RANBP2: variants seen among roughly 807,000 people sequenced by gnomAD.
RANBP2 encodes E3 SUMO-protein ligase RanBP2.
Under a neutral mutation model 303.6 loss-of-function variants are expected in RANBP2, and 57 were observed. The observed-to-expected ratio is 0.19, with a 90% CI of 0.15 to 0.23. RANBP2 has a LOEUF of 0.23. Among genes scored for constraint, RANBP2 ranks in the 10% least tolerant of loss-of-function variants. The pLI is 1.00. For synonymous variants in RANBP2, 1,167 were observed against 1,301.5 expected, an observed-to-expected ratio of 0.90 and a Z score of 2.23; for missense variants, 3,138 against 3,780.8, an observed-to-expected ratio of 0.83 and a Z score of 4.46.
chr2:108,793,905 C>T, the RANBP2 span, among the ~76,000 whole-genome samples: 1 of 152,006 alleles, frequency 6.6e-6, no homozygotes, highest in Non-Finnish European at 1.5e-5. Flanking sequence ...CCCTGCCACC[C>T]TCAGGAAACT....
chr2:109,339,187 G>A, the RANBP2 span, among the ~76,000 whole-genome samples: 1 of 151,508 alleles, frequency 6.6e-6, no homozygotes, highest in African/African-American at 2.4e-5. Flanking sequence ...AGAGAAGGGA[G>A]GCACACTCGG....
the RANBP2 span, among the ~76,000 whole-genome samples, chr2:109,466,274 G>T: frequency 2.0e-5 from 3 of 151,860 alleles, no homozygotes; most frequent in East Asian, 5.8e-4. Flanking sequence ...GTAGAGACGG[G>T]GTTTCACTGT....
chr2:109,270,570 C>T, the RANBP2 span, among the ~76,000 whole-genome samples: 4 of 152,230 alleles, frequency 2.6e-5, no homozygotes, highest in South Asian at 4.2e-4. Context: ...GCAGTGTGGC[C>T]GTTTCAGGTC....
chr2:108,931,035 G>T, the RANBP2 span: 1 of 1,613,888 alleles, frequency 6.2e-7, no homozygotes, highest in Non-Finnish European at 8.5e-7. Context: ...GGGCTCACCT[G>T]AAAGACATGC....
the RANBP2 span, among the ~76,000 whole-genome samples, chr2:109,534,647 G>A: frequency 6.6e-6 from 1 of 152,024 alleles, no homozygotes; most frequent in Non-Finnish European, 1.5e-5. Context: ...GGGCGTGATG[G>A]CACTGGCCTT....
At chr2:109,283,804 T>C in the RANBP2 span, among the ~76,000 whole-genome samples, 1 of 152,216 alleles carries the variant, frequency 6.6e-6, no homozygotes, top group East Asian at 1.9e-4. Flanking sequence ...CTTGTGTTTG[T>C]TCTCTCTGCT....
At chr2:109,155,384 T>C in the RANBP2 span, among the ~76,000 whole-genome samples, 1 of 152,216 alleles carries the variant, frequency 6.6e-6, no homozygotes, top group Non-Finnish European at 1.5e-5. Context: ...CACTGCAAGC[T>C]CCGCCTCCTG....
the RANBP2 span, among the ~76,000 whole-genome samples, chr2:109,459,295 C>T: frequency 6.6e-6 from 1 of 152,018 alleles, no homozygotes; most frequent in Non-Finnish European, 1.5e-5. Context: ...AGTTACAATC[C>T]TCATTTCTGT....
At chr2:109,269,525 A>G in the RANBP2 span, among the ~76,000 whole-genome samples, 43 of 152,332 alleles carry the variant, frequency 2.8e-4, no homozygotes, top group Non-Finnish European at 5.4e-4. Context: ...TCATGCCTGT[A>G]ATCCCAGCAC....
the RANBP2 span, among the ~76,000 whole-genome samples, chr2:109,602,114 T>C: frequency 6.6e-6 from 1 of 152,196 alleles, no homozygotes; most frequent in Non-Finnish European, 1.5e-5. Flanking sequence ...AGCGGCACAG[T>C]AACCCCTATC....
the RANBP2 span, chr2:109,398,852 T>C: frequency 1.9e-6 from 3 of 1,613,930 alleles, no homozygotes; most frequent in Non-Finnish European, 2.5e-6. Flanking sequence ...TCCATGGAAA[T>C]TAGTGCTCCA....
chr2:109,685,223 T>C, the RANBP2 span, among the ~76,000 whole-genome samples: 1 of 152,212 alleles, frequency 6.6e-6, no homozygotes, highest in South Asian at 2.1e-4. Context: ...GATGTGCACA[T>C]GATCATTTAG....
the RANBP2 span, among the ~76,000 whole-genome samples, chr2:109,215,400 A>G: frequency 2.0e-5 from 3 of 151,872 alleles, no homozygotes; most frequent in Non-Finnish European, 4.4e-5. Context: ...GATAAAGATC[A>G]GTGAACTCAG....
chr2:108,810,986 T>G, the RANBP2 span, among the ~76,000 whole-genome samples: 1 of 152,150 alleles, frequency 6.6e-6, no homozygotes, highest in Non-Finnish European at 1.5e-5. Flanking sequence ...TTCATAATGA[T>G]CTCTGTAGTC....
chr2:109,224,761 G>T, the RANBP2 span, among the ~76,000 whole-genome samples: 1 of 152,158 alleles, frequency 6.6e-6, no homozygotes, highest in Non-Finnish European at 1.5e-5. Flanking sequence ...GGAGGCTGAG[G>T]CATTAGAATC....
the RANBP2 span, among the ~76,000 whole-genome samples, chr2:109,364,625 T>C: frequency 6.6e-6 from 1 of 152,220 alleles, no homozygotes; most frequent in Non-Finnish European, 1.5e-5. Context: ...CGGCCACAAA[T>C]GTTCTATAGT....
At chr2:108,923,784 C>T in the RANBP2 span, among the ~76,000 whole-genome samples, 2 of 152,228 alleles carry the variant, frequency 1.3e-5, no homozygotes, top group Non-Finnish European at 2.9e-5. Context: ...ACATGTAGGG[C>T]CTGCTTAGCC....
At chr2:108,977,137 G>A in the RANBP2 span, among the ~76,000 whole-genome samples, 1 of 152,288 alleles carries the variant, frequency 6.6e-6, no homozygotes, top group African/African-American at 2.4e-5. Flanking sequence ...ACTGGCCCGG[G>A]CCTGGGTTTT....
the RANBP2 span, among the ~76,000 whole-genome samples, chr2:109,707,219 T>G: frequency 6.6e-6 from 1 of 152,236 alleles, no homozygotes; most frequent in East Asian, 1.9e-4. Flanking sequence ...ACCAGTGACA[T>G]GTTTTGCAGT....
Sources: allele counts gnomAD v4.1 joint callset (sites outside exome capture counted in the v4.1 genomes callset), GRCh38; gene constraint gnomAD v4.1.1; transcripts MANE v1.5; gene names NCBI Gene and HGNC (gene_info 2026-07-23, HGNC 2026-07-21).